The following LYPD6 variants were observed in gnomAD, a reference collection of about 807,000 sequenced individuals.
LYPD6 encodes the protein LY6/PLAUR domain containing 6, also known as ly6/PLAUR domain-containing protein 6.
Under a neutral mutation model 22.7 loss-of-function variants are expected in LYPD6, and 15 were observed. The observed-to-expected ratio is 0.66, with a 90% CI of 0.44 to 1.02. LYPD6 has a LOEUF of 1.02. Ranked by LOEUF, LYPD6 falls within the 50% of genes least tolerant of loss-of-function variation. LYPD6 has a pLI of 0.00. For missense variants in LYPD6, 189 were observed against 208.4 expected (o/e 0.91, Z 0.57); for synonymous variants, 72 against 77.5 (o/e 0.93, Z 0.37).
At chr2:149,424,652 C>A (rs1056366480) in intron 1 of LYPD6, among the ~76,000 whole-genome samples, 1 of 147,606 alleles carries the variant, frequency 6.8e-6, no homozygotes, top group Non-Finnish European at 1.5e-5. Context: ...AGGAAGTGAA[C>A]TGAGACTTCA....
intron 1 of LYPD6, among the ~76,000 whole-genome samples, chr2:149,378,352 A>C (rs1426999474): frequency 6.6e-6 from 1 of 152,150 alleles, no homozygotes; most frequent in Non-Finnish European, 1.5e-5. Context: ...TCCTTGGCTC[A>C]AGCTGTCCAC....
chr2:149,402,336 T>C (rs996666644), intron 1 of LYPD6, among the ~76,000 whole-genome samples: 1 of 152,182 alleles, frequency 6.6e-6, no homozygotes, highest in Non-Finnish European at 1.5e-5. Context: ...CAAATTGTGC[T>C]CCTGTAAACA....
At chr2:149,376,863 G>A (rs987813468) in intron 1 of LYPD6, among the ~76,000 whole-genome samples, 1 of 152,242 alleles carries the variant, frequency 6.6e-6, no homozygotes, top group African/African-American at 2.4e-5. Context: ...TGTAGGTGCA[G>A]TACTGACTAA....
chr2:149,464,070 AATGC>A (rs1681146265), intron 3 of LYPD6: 1 of 408,502 alleles, frequency 2.4e-6, no homozygotes, highest in African/African-American at 2.2e-5. Flanking sequence ...ATTCCTTACA[AATGC>A]ATGGGAATCT....
chr2:149,388,908 G>A (rs995928997), intron 1 of LYPD6, among the ~76,000 whole-genome samples: 1 of 152,110 alleles, frequency 6.6e-6, no homozygotes, highest in African/African-American at 2.4e-5. Flanking sequence ...CCTTCCTAAT[G>A]CTGGGCACAT....
At chr2:149,342,842 G>A (rs1442855693) in intron 1 of LYPD6, among the ~76,000 whole-genome samples, 2 of 152,118 alleles carry the variant, frequency 1.3e-5, no homozygotes, top group Non-Finnish European at 2.9e-5. Context: ...AATGACTCAG[G>A]TTTGAACTCC....
chr2:149,340,183 A>G (rs1346326968), intron 1 of LYPD6, among the ~76,000 whole-genome samples: 1 of 152,144 alleles, frequency 6.6e-6, no homozygotes, highest in East Asian at 1.9e-4. Context: ...AATATTTAAT[A>G]TTTTTATGAC....
At chr2:149,366,062 G>A (rs577422268) in intron 1 of LYPD6, among the ~76,000 whole-genome samples, 4 of 152,288 alleles carry the variant, frequency 2.6e-5, no homozygotes, top group Non-Finnish European at 5.9e-5. Flanking sequence ...AGTGTGGGTG[G>A]CTAATTATTC....
At position 149,472,351 on chromosome 2, in the gene LYPD6, C is replaced by T. The variant is rs891835237; in HGVS notation, c.*1501C>T. The T allele has an allele frequency of 6.6e-6, 1 of 152,374 alleles. No homozygotes were observed. Among genetic ancestry groups the T allele is most frequent in the Non-Finnish European group, 1.5e-5 (1 of 68,008 alleles). The allele number at this position is 152,374 out of a possible 1,614,324, so 9.4% of individuals were successfully genotyped here. On this transcript the variant is annotated 3_prime_UTR_variant, in exon 5 of 5. Transcript: ENST00000334166. ...TCAGTGATGGTGTCCTGGAATTATT[C>T]AGGTGGTGACCATCACTGGTCTAAG...
At chr2:149,379,969 G>A (rs1468537361) in intron 1 of LYPD6, among the ~76,000 whole-genome samples, 1 of 152,188 alleles carries the variant, frequency 6.6e-6, no homozygotes, top group Non-Finnish European at 1.5e-5. Flanking sequence ...TCGAAACAGA[G>A]CAGAGGAACG....
At chr2:149,356,364 C>G (rs1421297353) in intron 1 of LYPD6, among the ~76,000 whole-genome samples, 1 of 152,126 alleles carries the variant, frequency 6.6e-6, no homozygotes, top group African/African-American at 2.4e-5. Flanking sequence ...TTGGTGACCC[C>G]TTTTCTATGT....
chr2:149,463,762 C>T (rs1055737617), intron 3 of LYPD6, among the ~76,000 whole-genome samples: 2 of 152,088 alleles, frequency 1.3e-5, no homozygotes, highest in African/African-American at 4.8e-5. Context: ...AGTGAAAATG[C>T]CCAGTTCCAA....
chr2:149,451,680 G>A (rs182777924), intron 3 of LYPD6, among the ~76,000 whole-genome samples: 1 of 152,070 alleles, frequency 6.6e-6, no homozygotes, highest in Non-Finnish European at 1.5e-5. Context: ...ATACCTAAAG[G>A]TATTGCAGAG....
At chr2:149,427,999 T>A (rs941433020) in intron 1 of LYPD6, among the ~76,000 whole-genome samples, 3 of 152,336 alleles carry the variant, frequency 2.0e-5, no homozygotes, top group East Asian at 1.9e-4. Flanking sequence ...TGAACTTTTT[T>A]AAAAAACATT....
chr2:149,429,938 G>C (rs1037407319), intron 1 of LYPD6, among the ~76,000 whole-genome samples: 66 of 152,110 alleles, frequency 4.3e-4, no homozygotes, highest in African/African-American at 1.6e-3. Context: ...CAGAGTACCA[G>C]GTGTAAGTTG....
intron 1 of LYPD6, among the ~76,000 whole-genome samples, chr2:149,399,686 TAATA>T (rs1463085461): frequency 2.7e-5 from 4 of 147,646 alleles, no homozygotes; most frequent in Non-Finnish European, 4.5e-5. Context: ...AAAATATAAA[TAATA>T]AATTATAAAA....
chr2:149,403,485 T>C (rs1270348106), intron 1 of LYPD6, among the ~76,000 whole-genome samples: 3 of 147,938 alleles, frequency 2.0e-5, no homozygotes, highest in Admixed American at 6.7e-5. Flanking sequence ...TGGCCAGTGA[T>C]GGTGAGCATT....
chr2:149,354,851 A>G (rs1681423028), intron 1 of LYPD6, among the ~76,000 whole-genome samples: 1 of 152,214 alleles, frequency 6.6e-6, no homozygotes, highest in African/African-American at 2.4e-5. Flanking sequence ...ACGTAATGGT[A>G]GGGCTAGCCA....
intron 1 of LYPD6, among the ~76,000 whole-genome samples, chr2:149,371,421 A>G (rs530628981): frequency 6.6e-6 from 1 of 152,338 alleles, no homozygotes; most frequent in South Asian, 2.1e-4. Context: ...GAGAAAGTGG[A>G]CGTATATATC....
Sources: gnomAD v4.1 joint callset for allele counts (sites outside exome capture counted in the v4.1 genomes callset) on GRCh38, gnomAD v4.1.1 for gene constraint, MANE v1.5 for transcripts, NCBI Gene and HGNC (gene_info 2026-07-23, HGNC 2026-07-21) for gene names.